The following CEP63 variants were observed in gnomAD, a reference collection of about 807,000 sequenced individuals.
CEP63 encodes the protein centrosomal protein 63, also known as centrosomal protein of 63 kDa.
A neutral mutation model predicts 89.1 loss-of-function variants in CEP63; 84 were observed. The observed-to-expected ratio is 0.94, with a 90% CI of 0.79 to 1.13. The LOEUF (loss-of-function observed/expected upper bound fraction) is 1.13. Ranked by LOEUF, CEP63 falls within the 50% of genes most tolerant of loss-of-function variation. The pLI, the probability that CEP63 is intolerant of heterozygous loss-of-function variation, is 0.00. For missense variants in CEP63, 838 were observed against 813.3 expected, an observed-to-expected ratio of 1.03 and a Z score of -0.37; for synonymous variants, 267 against 272.5, an observed-to-expected ratio of 0.98 and a Z score of 0.20.
At chr3:134,640,818 G>A in the CEP63 span, among the ~76,000 whole-genome samples, 1 of 152,134 alleles carries the variant, frequency 6.6e-6, no homozygotes, top group Non-Finnish European at 1.5e-5. Flanking sequence ...CCACACCATG[G>A]GGGAACCTCT....
In CEP63 at chr3:134,545,719, T is replaced by C; in HGVS notation, c.689T>C (p.Leu230Pro). 4 of 1,614,082 alleles carry C rather than the reference T, an allele frequency of 2.5e-6. No individual in the cohort carries two copies. The highest frequency in any genetic ancestry group is 2.5e-6 in the Non-Finnish European group (3 of 1,180,012). ...GCCAATGAGTTGGAAATAGAGCGCC[T>C]CACCATGAGGGTCAATGACTTGGTT... ...ICANELEIER[L>P]TMRVNDLVGT... Residue 230 changes from leucine (L) to proline (P), a missense_variant, in exon 7 of 15, where the codon CTC (leucine) becomes CCC (proline). Leu to Pro is a moderately conservative substitution (Grantham distance 98). Coordinates refer to ENST00000675561, the MANE Select transcript of CEP63 (RefSeq NM_001353108.3).
intron 3 of CEP63, among the ~76,000 whole-genome samples, chr3:134,528,594 G>GT (rs59362235): frequency 2.7e-5 from 4 of 145,702 alleles, no homozygotes; most frequent in African/African-American, 7.5e-5. Flanking sequence ...GTGTGTGTGT[G>GT]GTGTTTTGAG....
At chr3:134,731,907 C>G in the CEP63 span, among the ~76,000 whole-genome samples, 293 of 152,238 alleles carry the variant, frequency 1.9e-3, no homozygotes, top group Admixed American at 0.012. Context: ...GAACACAGAT[C>G]TGGAACATAG....
rs757707583 is a variant in CEP63 at position 134,547,355 on chromosome 3, C to T, written c.950C>T (p.Ala317Val). 1 of 1,613,556 alleles carries T rather than the reference C, an allele frequency of 6.2e-7. No individual in the cohort carries two copies. The highest frequency in any genetic ancestry group is 1.1e-5 in the South Asian group (1 of 91,076). The change falls in exon 9 of 15, where the codon GCA becomes GTA. Residue 317 changes from alanine to valine, a missense_variant. Coordinates refer to ENST00000675561, the MANE Select transcript of CEP63 (RefSeq NM_001353108.3). Reference sequence around the variant, plus strand: ...CATAGGCCACGGGAAGAATCTCTGGCAGAAAAGAAGTACACCTCTCAAGGG... The same window carrying T: ...CATAGGCCACGGGAAGAATCTCTGGTAGAAAAGAAGTACACCTCTCAAGGG... ...EAIRPREESL[A>V]EKKYTSQGQG...
chr3:134,539,199 C>T (rs1951487627), intron 6 of CEP63, among the ~76,000 whole-genome samples: 1 of 152,122 alleles, frequency 6.6e-6, no homozygotes, highest in African/African-American at 2.4e-5. Flanking sequence ...CATTAAGTAG[C>T]ATTAATAGTT....
chr3:134,525,170 G>A (rs1010539990), intron 3 of CEP63, among the ~76,000 whole-genome samples: 15 of 152,174 alleles, frequency 9.9e-5, no homozygotes, highest in African/African-American at 2.9e-4. Flanking sequence ...TATGTACATA[G>A]AGGTGTTTAT....
the CEP63 span, among the ~76,000 whole-genome samples, chr3:134,696,365 G>A: frequency 4.1e-4 from 63 of 152,290 alleles, 1 homozygote; most frequent in Admixed American, 1.7e-3. Context: ...CTGGGTTAAG[G>A]GCAGCTCCTG....
chr3:134,739,741 T>C, the CEP63 span, among the ~76,000 whole-genome samples: 4 of 146,016 alleles, frequency 2.7e-5, no homozygotes, highest in Non-Finnish European at 6.0e-5. Context: ...CATAGCAAAA[T>C]TGATTCATGA....
At position 134,532,877 on chromosome 3, in the gene CEP63, G is replaced by T; in HGVS notation, c.418G>T (p.Glu140Ter). 1 of 1,613,800 alleles carries T rather than the reference G, an allele frequency of 6.2e-7. No homozygotes were observed. Among genetic ancestry groups the T allele is most frequent in the Non-Finnish European group, 8.5e-7 (1 of 1,179,824 alleles). ...KNHREDRSEI[E>*]RLTAKIEEFR... ...TCACAGGGAAGATCGGTCTGAAATT[G>T]AGAGGTTAACTGCAAAAATAGAGGT... is the stretch of plus-strand genomic sequence containing the variant. Residue 140 changes from glutamate to a stop codon, truncating the protein, a stop_gained, in exon 5 of 15, where the codon GAG becomes TAG. Coordinates refer to ENST00000675561, the MANE Select transcript of CEP63 (RefSeq NM_001353108.3). LOFTEE classifies it high-confidence loss of function.
chr3:134,549,514 T>C (rs997804172), intron 10 of CEP63, among the ~76,000 whole-genome samples: 5 of 152,222 alleles, frequency 3.3e-5, no homozygotes, highest in Admixed American at 6.5e-5. Context: ...TATTTTCTTA[T>C]TGCCTAAAGA....
intron 3 of CEP63, among the ~76,000 whole-genome samples, chr3:134,514,704 AAT>A (rs1183840656): frequency 6.6e-6 from 1 of 152,204 alleles, no homozygotes; most frequent in Non-Finnish European, 1.5e-5. Flanking sequence ...ATAAAGGTAA[AAT>A]AAAGACATTT....
the CEP63 span, among the ~76,000 whole-genome samples, chr3:134,722,971 A>G: frequency 4.6e-5 from 7 of 152,212 alleles, no homozygotes; most frequent in East Asian, 1.9e-4. Flanking sequence ...ACAACTATCT[A>G]TTAGTCAATG....
chr3:134,755,256 G>GC, the CEP63 span, among the ~76,000 whole-genome samples: 5 of 152,012 alleles, frequency 3.3e-5, no homozygotes, highest in African/African-American at 1.2e-4. Context: ...TGAGCCCTGA[G>GC]CCCTGAGCCC....
chr3:134,770,905 C>G, the CEP63 span, among the ~76,000 whole-genome samples: 3 of 152,180 alleles, frequency 2.0e-5, no homozygotes, highest in African/African-American at 7.2e-5. Context: ...AAAGTTACAG[C>G]TTGTGTTGAT....
chr3:134,662,317 A>G, the CEP63 span, among the ~76,000 whole-genome samples: 28 of 151,472 alleles, frequency 1.8e-4, no homozygotes, highest in Non-Finnish European at 3.7e-4. Context: ...TCTTTGAACC[A>G]GGAAGTGTGC....
chr3:134,535,498 TC>T (rs68090385), intron 5 of CEP63: 45,926 of 143,250 alleles, frequency 0.32, 8,153 homozygotes, highest in African/African-American at 0.36. Flanking sequence ...ACCTTTCCTT[TC>T]CTTTTTTTTT....
At chr3:134,557,372 ATTTGTTTT>A (rs1211559696) in intron 12 of CEP63, among the ~76,000 whole-genome samples, 1 of 50,444 alleles carries the variant, frequency 2.0e-5, no homozygotes, top group East Asian at 9.7e-4. Context: ...TACTTTCATA[ATTTGTTTT>A]TTTTTTTTTT....
the CEP63 span, among the ~76,000 whole-genome samples, chr3:134,605,004 G>C: frequency 2.0e-5 from 3 of 152,224 alleles, no homozygotes; most frequent in Non-Finnish European, 4.4e-5. Context: ...GCAGTTCCCT[G>C]ATCCCCACCT....
At chr3:134,665,737 CGAGACAGACA>C in the CEP63 span, among the ~76,000 whole-genome samples, 1 of 117,232 alleles carries the variant, frequency 8.5e-6, no homozygotes, top group Non-Finnish European at 1.9e-5. Flanking sequence ...AGGGACAGAG[CGAGACAGACA>C]GAGACATTGA....
Sources: gnomAD v4.1 joint callset for allele counts (sites outside exome capture counted in the v4.1 genomes callset) on GRCh38, gnomAD v4.1.1 for gene constraint, MANE v1.5 for transcripts, NCBI Gene and HGNC (gene_info 2026-07-23, HGNC 2026-07-21) for gene names.